The following MRPS2 variants were observed in gnomAD, a reference collection of about 807,000 sequenced individuals.
MRPS2 encodes the protein mitochondrial ribosomal protein S2.
In MRPS2, 13 loss-of-function variants were observed where a neutral mutation model predicts 18.9. The observed-to-expected ratio is 0.69, with a 90% confidence interval of 0.45 to 1.09. The LOEUF (loss-of-function observed/expected upper bound fraction) is 1.09. Among genes scored for constraint, MRPS2 ranks in the 50% least tolerant of loss-of-function variants. The probability of loss-of-function intolerance (pLI) is 0.00; values close to 1 mark genes in which losing one functional copy is unlikely to be tolerated. For synonymous variants in MRPS2, 186 were observed against 178.4 expected (o/e 1.04, Z -0.34); for missense variants, 389 against 421.7 (o/e 0.92, Z 0.68).
Position 135,501,020 on chromosome 9 carries a change from G to C in MRPS2, c.66G>C (p.Trp22Cys), listed in dbSNP as rs1262087921. The C allele has an allele frequency of 3.7e-6, 6 of 1,611,816 alleles. No homozygotes were observed. In the African/African-American group the frequency reaches 6.7e-5, roughly 18 times the overall value. ...CAGGTGCCCGGGCCCCGTCGCGCTG[G>C]TTGGGCTTTCTCGGGAAGGCGACCC... Reference protein sequence around the residue: ...LGAGARAPSRWLGFLGKATPR... With the variant: ...LGAGARAPSRCLGFLGKATPR... Residue 22 changes from tryptophan (W) to cysteine (C), a missense_variant, in exon 2 of 4, where the codon TGG (tryptophan) becomes TGC (cysteine). Physicochemically the swap from Trp to Cys is radical, Grantham distance 215 (BLOSUM62 -2). Transcript: ENST00000241600.
intron 3 of MRPS2, chr9:135,502,278 C>G: frequency 1.7e-6 from 2 of 1,153,160 alleles, no homozygotes; most frequent in Non-Finnish European, 2.2e-6. Context: ...TTGGTCCCCC[C>G]GGATCGGGCT....
chr9:135,502,363 GAGGGGA>G, intron 3 of MRPS2: 2 of 627,676 alleles, frequency 3.2e-6, no homozygotes, highest in Non-Finnish European at 2.1e-6. Context: ...GCTGTGGGGG[GAGGGGA>G]TGGGAGGGGC....
rs1451387163 is a variant in MRPS2 at position 135,500,703 on chromosome 9, T to G, written c.-8T>G. 1 of 1,469,874 alleles carries G rather than the reference T, an allele frequency of 6.8e-7. No homozygotes were observed. Among genetic ancestry groups the G allele is most frequent in the South Asian group, 1.4e-5 (1 of 73,112 alleles). 91.1% of individuals were successfully genotyped at this position (1,469,874 alleles called of 1,614,324 possible). On this transcript the variant is annotated 5_prime_UTR_variant, in exon 1 of 4. Coordinates refer to ENST00000241600, the MANE Select transcript of MRPS2 (RefSeq NM_016034.5). ...GAGGGAGACCTCGCTCTGCCCCGCG[T>G]CCCAGCCATGGCGACATCCTCGGCC...
In MRPS2 at chr9:135,503,682, G is replaced by A. The variant is rs749041395; in HGVS notation, c.440G>A (p.Arg147His). 43 of 1,613,612 alleles carry A rather than the reference G, an allele frequency of 2.7e-5. No individual in the cohort carries two copies. Among genetic ancestry groups the A allele is most frequent in the Non-Finnish European group, 3.1e-5 (37 of 1,180,042 alleles). The change falls in exon 4 of 4, where the codon CGC (arginine) becomes CAC (histidine). Residue 147 changes from arginine (R) to histidine (H), a missense_variant. Physicochemically the swap from Arg to His is conservative, Grantham distance 29 (BLOSUM62 0). Transcript: ENST00000241600. ...AAGGGCATCATCTTGTTTATAAGCC[G>A]CAACCGGCAGTTCTCGTACCTGATT... ...YRKGIILFIS[R>H]NRQFSYLIEN... is the part of the protein sequence containing the mutation.
Position 135,501,077 on chromosome 9 carries a change from T to C in MRPS2, c.123T>C (p.Leu41=), listed in dbSNP as rs375291395. 3.0e-5 allele frequency: 48 copies of C among 1,609,506 alleles called. No homozygotes were observed. In the African/African-American group the frequency reaches 6.0e-4, roughly 20 times the overall value. ...PRPARPSRRT[L]GSATALMIRE... ...CTGCTCGGCCGAGCCGCAGGACGCT[T>C]GGAAGCGCGACGGCCCTTATGATCC... Residue 41 remains leucine, a synonymous_variant, in exon 2 of 4, where the codon CTT becomes CTC. Coordinates refer to ENST00000241600, the MANE Select transcript of MRPS2 (RefSeq NM_016034.5).
Position 135,500,967 on chromosome 9 carries a change from G to C in MRPS2, c.44-31G>C, listed in dbSNP as rs556871767. 5.6e-5 allele frequency: 90 copies of C among 1,610,848 alleles called. No homozygotes were observed. In the East Asian group the frequency reaches 2.0e-3, roughly 36 times the overall value. On this transcript the variant is annotated intron_variant, in intron 1 of 3. Transcript: ENST00000241600. ...AGCGGGCGTGGTGCATTCGGGACTC[G>C]GCGCCAGGACCTCTATCTACTTCCC...
intron 2 of MRPS2, 43 bp downstream of exon 2, chr9:135,501,166 G>A: frequency 6.5e-7 from 1 of 1,540,948 alleles, no homozygotes; most frequent in Admixed American, 1.9e-5. Flanking sequence ...AACGAGGAGA[G>A]GCCGGCAGCC....
rs1831219525 is a variant in MRPS2 at position 135,503,900 on chromosome 9, G to C, written c.658G>C (p.Val220Leu). 6.2e-7 allele frequency: 1 copy of C among 1,614,048 alleles called. No individual in the cohort carries two copies. The highest frequency in any genetic ancestry group is 8.5e-7 in the Non-Finnish European group (1 of 1,180,042). ...RDAAKMNIPT[V>L]GIVDTNCNPC... Reference sequence around the variant, plus strand: ...CGCAGCCAAGATGAACATCCCCACAGTGGGCATCGTGGACACCAACTGCAA... The same window carrying C: ...CGCAGCCAAGATGAACATCCCCACACTGGGCATCGTGGACACCAACTGCAA... The change falls in exon 4 of 4, where the codon GTG becomes CTG. Residue 220 changes from valine to leucine, a missense_variant. By Grantham distance (32) the Val-to-Leu change is conservative (BLOSUM62 1). Transcript: ENST00000241600.
intron 2 of MRPS2, chr9:135,501,494 C>A: frequency 1.2e-6 from 1 of 820,800 alleles, no homozygotes; most frequent in Non-Finnish European, 1.6e-6. Context: ...TGGGGACTTT[C>A]TGGCTGGCCA....
At position 135,501,035 on chromosome 9, in the gene MRPS2, G is replaced by A; in HGVS notation, c.81G>A (p.Gly27=). Residue 27 remains glycine, a synonymous_variant, in exon 2 of 4, where the codon GGG becomes GGA. Transcript: ENST00000241600. ...CGTCGCGCTGGTTGGGCTTTCTCGG[G>A]AAGGCGACCCCCCGGCCTGCTCGGC... is the stretch of plus-strand genomic sequence containing the variant. ...RAPSRWLGFL[G]KATPRPARPS... is the part of the protein sequence containing the mutation. The A allele has an allele frequency of 6.2e-7, 1 of 1,611,578 alleles. No homozygotes were observed. Among genetic ancestry groups the A allele is most frequent in the Non-Finnish European group, 8.5e-7 (1 of 1,179,462 alleles).
Position 135,504,167 on chromosome 9 carries a change from A to C in MRPS2, c.*34A>C. ...CTCCTCCCAAAGCAAACCACAGCCA[A>C]GCCTGTCTGAGCTGGGAGTCCCCTT... On this transcript the variant is annotated 3_prime_UTR_variant, in exon 4 of 4. Transcript: ENST00000241600. The surrounding 1 kb of genome is among the most constrained non-coding windows in gnomAD (Gnocchi z 4.3). The C allele has an allele frequency of 6.6e-7, 1 of 1,517,518 alleles. No individual in the cohort carries two copies. Among genetic ancestry groups the C allele is most frequent in the Non-Finnish European group, 8.8e-7 (1 of 1,136,572 alleles). The allele number at this position is 1,517,518 out of a possible 1,614,324, so 94.0% of individuals were successfully genotyped here.
upstream of MRPS2, chr9:135,500,237 G>A (rs956193249): frequency 2.1e-5 from 6 of 292,030 alleles, no homozygotes; most frequent in African/African-American, 6.6e-5. Flanking sequence ...TGTACTCCAG[G>A]GATGCTATGC....
At chr9:135,500,196 G>A, upstream of MRPS2, 1 of 339,224 alleles carries the variant, frequency 2.9e-6, no homozygotes, top group African/African-American at 2.1e-5. Flanking sequence ...AGGTCCACTC[G>A]GCAGGCAACG....
At position 135,504,153 on chromosome 9, in the gene MRPS2, G is replaced by A. The variant is rs1185558995; in HGVS notation, c.*20G>A. The stretch of plus-strand genomic sequence containing the variant: ...CTGTGATGTTCACTCTCCTCCCAAA[G>A]CAAACCACAGCCAAGCCTGTCTGAG... On this transcript the variant is annotated 3_prime_UTR_variant, in exon 4 of 4. Coordinates refer to ENST00000241600, the MANE Select transcript of MRPS2 (RefSeq NM_016034.5). The surrounding 1 kb of genome is among the most constrained non-coding windows in gnomAD (Gnocchi z 4.3). 2 of 1,552,396 alleles carry A rather than the reference G, an allele frequency of 1.3e-6. No individual in the cohort carries two copies. The highest frequency in any genetic ancestry group is 2.4e-5 in the South Asian group (2 of 83,060).
At chr9:135,501,805 C>A (rs2297008) in intron 2 of MRPS2, 39 bp from the exon 3 acceptor site, 3 of 1,608,648 alleles carry the variant, frequency 1.9e-6, no homozygotes, top group African/African-American at 2.7e-5. Flanking sequence ...CTGCTGCCAC[C>A]GGTGGGAGAC....
At chr9:135,502,747 C>G (rs998334150) in intron 3 of MRPS2, 1 of 152,856 alleles carries the variant, frequency 6.5e-6, no homozygotes, top group South Asian at 2.1e-4. Flanking sequence ...TCCAGAGCAT[C>G]GGAAAAGGAG....
upstream of MRPS2, chr9:135,500,170 G>C: frequency 2.5e-6 from 1 of 404,852 alleles, no homozygotes; most frequent in Non-Finnish European, 4.4e-6. Flanking sequence ...GCCGGGTGAC[G>C]GGGTTTAAGC....
At chr9:135,502,441 T>C (rs1012660543) in intron 3 of MRPS2, 1 of 258,858 alleles carries the variant, frequency 3.9e-6, no homozygotes, top group Admixed American at 6.1e-5. Context: ...GGGGCTTAAA[T>C]CGCAGTAGCG....
upstream of MRPS2, chr9:135,500,575 TC>T (rs887576378): frequency 3.0e-6 from 3 of 987,250 alleles, no homozygotes; most frequent in African/African-American, 1.7e-5. Context: ...CGCAGGGAGG[TC>T]CCAGCCGCCT....
Sources: gnomAD v4.1 joint callset for allele counts on GRCh38, gnomAD v4.1.1 for gene constraint, Gnocchi (gnomAD v3.1) non-coding constraint, MANE v1.5 for transcripts, NCBI Gene and HGNC (gene_info 2026-07-23, HGNC 2026-07-21) for gene names.